The following SIK2 variants were observed in gnomAD, a reference collection of about 807,000 sequenced individuals.
SIK2 encodes the protein serine/threonine-protein kinase SIK2.
In SIK2, 29 loss-of-function variants were observed where a neutral mutation model predicts 103.2. The observed-to-expected ratio is 0.28, with a 90% CI of 0.21 to 0.38. SIK2 has a LOEUF of 0.38. SIK2 is among the 10% of genes least tolerant of loss of function. The pLI, the probability that SIK2 is intolerant of heterozygous loss-of-function variation, is 1.00. For synonymous variants in SIK2, 412 were observed against 446.1 expected, an observed-to-expected ratio of 0.92 and a Z score of 0.96; for missense variants, 879 against 1,171.0, an observed-to-expected ratio of 0.75 and a Z score of 3.64.
intron 3 of SIK2, among the ~76,000 whole-genome samples, chr11:111,674,060 CA>C (rs1240465150): frequency 7.7e-6 from 1 of 130,622 alleles, no homozygotes; most frequent in Non-Finnish European, 1.6e-5. Flanking sequence ...GGCGACAGAG[CA>C]AGACTCCATT....
rs1042348687 is a variant in SIK2, at chr11:111,655,389, G to A, written c.317-32612G>A. Reference sequence around the variant, plus strand: ...ACTGCACTCCAGCCTGAGCAACAGAGCGAGACTCTGTCTCAAAAAAGAAAA... The same window carrying A: ...ACTGCACTCCAGCCTGAGCAACAGAACGAGACTCTGTCTCAAAAAAGAAAA... On this transcript the variant is annotated intron_variant, in intron 3 of 14. Coordinates refer to ENST00000304987, the MANE Select transcript of SIK2 (RefSeq NM_015191.3). 2.6e-5 allele frequency among the ~76,000 whole-genome samples: 4 copies of A among 152,300 alleles called. No homozygotes were observed. In the South Asian group the frequency reaches 6.2e-4, roughly 24 times the overall value.
At position 111,701,509 on chromosome 11, in the gene SIK2, A is replaced by G; in HGVS notation, c.661A>G (p.Thr221Ala). Residue 221 changes from threonine (T) to alanine (A), a missense_variant, in exon 6 of 15, where the codon ACT (threonine) becomes GCT (alanine). Physicochemically the swap from Thr to Ala is moderately conservative, Grantham distance 58 (BLOSUM62 0). Coordinates refer to ENST00000304987, the MANE Select transcript of SIK2 (RefSeq NM_015191.3). The surrounding 1 kb of genome is among the most constrained non-coding windows in gnomAD (Gnocchi z 4.2). ...TGGAGCTCTGCCCTTTGATGGACCG[A>G]CTCTTCCAATTTTGAGGCAGAGGGT... ...VCGALPFDGP[T>A]LPILRQRVLE... 6.2e-7 allele frequency: 1 copy of G among 1,613,826 alleles called. No individual in the cohort carries two copies. The highest frequency in any genetic ancestry group is 1.1e-5 in the South Asian group (1 of 91,060).
At chr11:111,655,261 G>A (rs1026247499) in intron 3 of SIK2, among the ~76,000 whole-genome samples, 11 of 152,112 alleles carry the variant, frequency 7.2e-5, no homozygotes, top group Non-Finnish European at 1.2e-4. Context: ...AATTAGCCGG[G>A]CATGGTGCTG....
At chr11:111,620,463 G>C in intron 3 of SIK2, 61 bp downstream of exon 3, 1 of 1,034,700 alleles carries the variant, frequency 9.7e-7, no homozygotes, top group South Asian at 1.5e-5. Flanking sequence ...GCATGAATGG[G>C]GTATTTTCTG....
chr11:111,669,425 A>C (rs1330985531), intron 3 of SIK2, among the ~76,000 whole-genome samples: 3 of 152,174 alleles, frequency 2.0e-5, no homozygotes, highest in Non-Finnish European at 2.9e-5. Context: ...TAACTTCCAT[A>C]TAAAATTAGA....
At chr11:111,668,205 T>TG (rs10689225) in intron 3 of SIK2, among the ~76,000 whole-genome samples, 32 of 151,890 alleles carry the variant, frequency 2.1e-4, no homozygotes, top group African/African-American at 6.5e-4. Flanking sequence ...TGTGTGTGTG[T>TG]TTGTGCACAC....
intron 8 of SIK2, among the ~76,000 whole-genome samples, chr11:111,711,236 A>G (rs927304268): frequency 4.0e-4 from 60 of 151,230 alleles, no homozygotes; most frequent in African/African-American, 1.3e-3. Flanking sequence ...CTCCTGCCTC[A>G]GCCTCCCAAG....
At chr11:111,714,589 T>G (rs1481814315) in intron 9 of SIK2, among the ~76,000 whole-genome samples, 1 of 152,136 alleles carries the variant, frequency 6.6e-6, no homozygotes, top group Non-Finnish European at 1.5e-5. Flanking sequence ...CAGATAAAAT[T>G]GATAGACTAT....
chr11:111,617,775 A>G (rs1368942893), intron 2 of SIK2, among the ~76,000 whole-genome samples: 2 of 150,358 alleles, frequency 1.3e-5, no homozygotes, highest in East Asian at 2.0e-4. Context: ...TATTTATACA[A>G]TGGCACATGT....
intron 3 of SIK2, among the ~76,000 whole-genome samples, chr11:111,636,855 G>A (rs1942114655): frequency 6.6e-6 from 1 of 152,106 alleles, no homozygotes; most frequent in African/African-American, 2.4e-5. Context: ...AACTTAAAGC[G>A]ATTCAATTCC....
chr11:111,723,748 G>A lies in SIK2; in HGVS notation c.2400G>A (p.Gln800=). The change falls in exon 15 of 15, where the codon CAG becomes CAA. Residue 800 remains glutamine (Q), a synonymous_variant. Coordinates refer to ENST00000304987, the MANE Select transcript of SIK2 (RefSeq NM_015191.3). ...GCCAGTACCAAGAGATGCAGCTTCA[G>A]CCCCTGCCCTCCACTTCCGGTCCCC... The part of the protein sequence containing the change: ...FLSQYQEMQL[Q]PLPSTSGPRA... 6.2e-7 allele frequency: 1 copy of A among 1,614,068 alleles called. No individual in the cohort carries two copies.
intron 12 of SIK2, 50 bp downstream of exon 12, chr11:111,721,112 A>G: frequency 6.4e-7 from 1 of 1,559,442 alleles, no homozygotes; most frequent in South Asian, 1.2e-5. Flanking sequence ...ATGAGGTGTG[A>G]GTTTGTCCTG....
chr11:111,717,873 T>C lies in SIK2; in HGVS notation c.1267-1902T>C, dbSNP rs11213989. Among the ~76,000 whole-genome samples, 392 of 151,760 alleles carry C rather than the reference T, an allele frequency of 2.6e-3. 18 individuals carry two copies. In the East Asian group the frequency reaches 0.068, roughly 26 times the overall value. On this transcript the variant is annotated intron_variant, in intron 9 of 14. Coordinates refer to ENST00000304987, the MANE Select transcript of SIK2 (RefSeq NM_015191.3). ...ACATGTTCTCACGTATAAGTAGGAGTTGAATGGACACATGGAGGGGAACAA... is the reference window on the plus strand; with the variant it reads ...ACATGTTCTCACGTATAAGTAGGAGCTGAATGGACACATGGAGGGGAACAA...
intron 3 of SIK2, among the ~76,000 whole-genome samples, chr11:111,631,218 T>C (rs1438825761): frequency 2.0e-5 from 3 of 152,150 alleles, no homozygotes; most frequent in African/African-American, 4.8e-5. Context: ...TGATTCAAGA[T>C]AGAGGTATTT....
chr11:111,639,454 GGAGAT>G (rs1209508481), intron 3 of SIK2, among the ~76,000 whole-genome samples: 1 of 152,168 alleles, frequency 6.6e-6, no homozygotes, highest in Non-Finnish European at 1.5e-5. Flanking sequence ...CAGAAAGCCA[GGAGAT>G]CATAAGCCTC....
In SIK2 at chr11:111,701,308, A is replaced by AT. The variant is rs561454503; in HGVS notation, c.604-137dup. 1.3e-4 allele frequency: 152 copies of AT among 1,181,140 alleles called. No individual in the cohort carries two copies. The East Asian group carries it at 2.3e-3, about 18-fold the overall frequency. 73.2% of individuals were successfully genotyped at this position (1,181,140 alleles called of 1,614,324 possible). A position where few individuals can be genotyped will look rare whatever the true frequency, so the allele number is the denominator to read the frequency against. ...CTTATTGTAGTAGTCAGGGTTTTGG[A>AT]TTTTTTTCAAATTCTGAGAAAATAA... is the stretch of plus-strand genomic sequence containing the variant. On this transcript the variant is annotated intron_variant, in intron 5 of 14. Coordinates refer to ENST00000304987, the MANE Select transcript of SIK2 (RefSeq NM_015191.3). This position sits in a 1 kb window ranked among gnomAD's most constrained non-coding sequence, Gnocchi z 4.2.
intron 3 of SIK2, among the ~76,000 whole-genome samples, chr11:111,649,892 G>A (rs1191579834): frequency 6.6e-6 from 1 of 152,054 alleles, no homozygotes; most frequent in Admixed American, 6.6e-5. Context: ...AATTAATTGT[G>A]CTAGGAGCTC....
rs1023423213 is a variant in SIK2, at chr11:111,722,872, C to T, written c.2147+116C>T. 22 of 923,892 alleles carry T rather than the reference C, an allele frequency of 2.4e-5. No individual in the cohort carries two copies. In the African/African-American group the frequency reaches 2.5e-4, roughly 10 times the overall value. 57.2% of individuals were successfully genotyped at this position (923,892 alleles called of 1,614,324 possible). A position where few individuals can be genotyped will look rare whatever the true frequency, so the allele number is the denominator to read the frequency against. ...CACTACTAGGAAAATAGGTTTTCTG[C>T]GTGTGTCACAGGCCCTCTGAGCACG... On this transcript the variant is annotated intron_variant, in intron 14 of 14. Coordinates refer to ENST00000304987, the MANE Select transcript of SIK2 (RefSeq NM_015191.3). The surrounding 1 kb of genome is among the most constrained non-coding windows in gnomAD (Gnocchi z 4.4).
chr11:111,655,469 T>C (rs897202743), intron 3 of SIK2, among the ~76,000 whole-genome samples: 3 of 152,222 alleles, frequency 2.0e-5, no homozygotes, highest in African/African-American at 7.2e-5. Context: ...AAATCTGAAA[T>C]CCCAAACTGC....
Sources: allele counts gnomAD v4.1 joint callset (sites outside exome capture counted in the v4.1 genomes callset), GRCh38; gene constraint gnomAD v4.1.1; non-coding constraint Gnocchi (gnomAD v3.1); transcripts MANE v1.5; gene names NCBI Gene and HGNC (gene_info 2026-07-23, HGNC 2026-07-21).